The following MYH15 variants were observed in gnomAD, a reference collection of about 807,000 sequenced individuals.
MYH15 encodes the protein myosin heavy chain 15.
Under a neutral mutation model 240.5 loss-of-function variants are expected in MYH15, and 227 were observed. That is an observed-to-expected ratio of 0.94 (90% CI 0.85 to 1.05). The LOEUF (loss-of-function observed/expected upper bound fraction) is 1.05. MYH15 is among the 50% of genes least tolerant of loss of function. The pLI is 0.00. For synonymous variants in MYH15, 785 were observed against 796.7 expected (o/e 0.99, Z 0.25); for missense variants, 2,217 against 2,247.5 (o/e 0.99, Z 0.27).
In MYH15 at chr3:108,405,451, TC is replaced by T. The variant is rs2082539561; in HGVS notation, c.4622del (p.Gly1541GlufsTer35). The T allele has an allele frequency of 6.8e-7, 1 of 1,476,676 alleles. No homozygotes were observed. The highest frequency in any genetic ancestry group is 1.4e-5 in the African/African-American group (1 of 72,136). 91.5% of individuals were successfully genotyped at this position (1,476,676 alleles called of 1,614,324 possible). On this transcript the variant is annotated frameshift_variant and splice_region_variant, in exon 33 of 41. Transcript: ENST00000693548. LOFTEE classifies it high-confidence loss of function. The stretch of plus-strand genomic sequence containing the variant: ...TCTTGCTTTCATTACGTTCCAGGGC[TC>T]CCTGGAATACATAAATAAAAAGCAT... ...EVQVTLEETE[G>X]ALERNESKIL...
Position 108,476,411 on chromosome 3 carries a change from G to T in MYH15, c.1219C>A (p.Gln407Lys). The T allele has an allele frequency of 3.1e-6, 5 of 1,593,946 alleles. No homozygotes were observed. Among genetic ancestry groups the T allele is most frequent in the Non-Finnish European group, 4.3e-6 (5 of 1,162,000 alleles). The stretch of plus-strand genomic sequence containing the variant: ...TATCACCTTACCTGTTCTATAGTTT[G>T]ACCTCTGGTAACATATTCGTTACCA... ...KVGNEYVTRG[Q>K]TIEQVTCAVG... Residue 407 changes from glutamine to lysine, a missense_variant, in exon 12 of 41, where the codon CAA becomes AAA. Physicochemically the swap from Gln to Lys is moderately conservative, Grantham distance 53. Transcript: ENST00000693548.
chr3:108,474,345 C>T (rs538125511), intron 12 of MYH15, among the ~76,000 whole-genome samples: 1 of 151,706 alleles, frequency 6.6e-6, no homozygotes, highest in South Asian at 2.1e-4. Flanking sequence ...TTTCACTGGT[C>T]CTATTATAGT....
At chr3:108,533,420 T>C (rs986828966), upstream of MYH15, among the ~76,000 whole-genome samples, 4 of 152,162 alleles carry the variant, frequency 2.6e-5, no homozygotes, top group Non-Finnish European at 5.9e-5. Context: ...AATTAAATTA[T>C]TGAATTAAAT....
At position 108,387,529 on chromosome 3, in the gene MYH15, C is replaced by CA. The variant is rs563062336; in HGVS notation, c.5535+1440dup. On this transcript the variant is annotated intron_variant, in intron 38 of 40. Transcript: ENST00000693548. ...ATGCATTCCTTGGGACAATGAAAAC[C>CA]AAAAAAATATATAACTTTGGTTTTT... Among the ~76,000 whole-genome samples, 1,060 of 151,772 alleles carry CA rather than the reference C, an allele frequency of 7.0e-3. 10 individuals are homozygous for CA. The highest frequency in any genetic ancestry group is 0.012 in the South Asian group (57 of 4,796).
chr3:108,489,936 C>A (rs535328493), intron 9 of MYH15, among the ~76,000 whole-genome samples: 4 of 152,134 alleles, frequency 2.6e-5, no homozygotes, highest in African/African-American at 9.7e-5. Context: ...CCCCAAAGAC[C>A]GAAGAAGATA....
At position 108,477,566 on chromosome 3, in the gene MYH15, A is replaced by G. The variant is rs191669250; in HGVS notation, c.1115-1051T>C. On this transcript the variant is annotated intron_variant, in intron 11 of 40. Transcript: ENST00000693548. Reference sequence around the variant, plus strand: ...AGGACATGGAAAATGCCATCTTTATAATTTGTTTTCTCTTTCTATGTATGT... The same window carrying G: ...AGGACATGGAAAATGCCATCTTTATGATTTGTTTTCTCTTTCTATGTATGT... 1.3e-4 allele frequency among the ~76,000 whole-genome samples: 20 copies of G among 152,308 alleles called. No homozygotes were observed. The East Asian group carries it at 3.3e-3, about 25-fold the overall frequency.
chr3:108,426,816 G>T (rs1021624524), intron 27 of MYH15, among the ~76,000 whole-genome samples: 2 of 152,218 alleles, frequency 1.3e-5, no homozygotes, highest in Admixed American at 6.5e-5. Context: ...TCCTGCCAGG[G>T]GGGGGCAGTG....
At chr3:108,430,554 A>G (rs957955920) in intron 26 of MYH15, among the ~76,000 whole-genome samples, 2 of 152,238 alleles carry the variant, frequency 1.3e-5, no homozygotes, top group African/African-American at 4.8e-5. Context: ...AGAAGGATTC[A>G]TGAGTGAAAA....
chr3:108,415,050 A>C (rs1377691384), intron 29 of MYH15, among the ~76,000 whole-genome samples: 2 of 152,148 alleles, frequency 1.3e-5, no homozygotes. Flanking sequence ...CTGAATTCTT[A>C]ATTTTATTTA....
In MYH15 at chr3:108,422,463, G is replaced by A. The variant is rs139507202; in HGVS notation, c.3703-1249C>T. On this transcript the variant is annotated intron_variant, in intron 27 of 40. Transcript: ENST00000693548. ...GAACTCCTGACCTTGTGATCCACCC[G>A]CCTCAGCTTCCCAAAGTGCTGGGAT... Among the ~76,000 whole-genome samples, 281 of 152,194 alleles carry A rather than the reference G, an allele frequency of 1.8e-3. 1 individual carries two copies. Among genetic ancestry groups the A allele is most frequent in the African/African-American group, 6.1e-3 (254 of 41,514 alleles).
In MYH15 at chr3:108,410,865, A is replaced by C. The variant is rs985210195; in HGVS notation, c.4213T>G (p.Ser1405Ala). ...AMGVANARNA[S>A]LERARHQLQL... Reference sequence around the variant, plus strand: ...AGCTGGTGCCTGGCTCTCTCCAAGGAGGCATTTCTGGCATTGGCCACCCCC... The same window carrying C: ...AGCTGGTGCCTGGCTCTCTCCAAGGCGGCATTTCTGGCATTGGCCACCCCC... The change falls in exon 31 of 41, where the codon TCC becomes GCC. Residue 1405 changes from serine to alanine, a missense_variant. By Grantham distance (99) the Ser-to-Ala change is moderately conservative. Transcript: ENST00000693548. The C allele has an allele frequency of 1.2e-6, 2 of 1,612,420 alleles. No homozygotes were observed. Among genetic ancestry groups the C allele is most frequent in the African/African-American group, 2.7e-5 (2 of 74,890 alleles).
At chr3:108,496,717 A>T (rs1319540812) in intron 6 of MYH15, among the ~76,000 whole-genome samples, 1 of 151,278 alleles carries the variant, frequency 6.6e-6, no homozygotes, top group Non-Finnish European at 1.5e-5. Flanking sequence ...ATGAGCAAGG[A>T]TTTCCATAGG....
At chr3:108,529,002 G>T (rs1318723340) in intron 1 of MYH15, among the ~76,000 whole-genome samples, 2 of 152,204 alleles carry the variant, frequency 1.3e-5, no homozygotes, top group East Asian at 3.9e-4. Flanking sequence ...GAGAAGTTGT[G>T]TGTTGGGGAC....
Position 108,410,643 on chromosome 3 carries a change from T to G in MYH15, c.4435A>C (p.Thr1479Pro). 6.2e-7 allele frequency: 1 copy of G among 1,613,956 alleles called. No homozygotes were observed. The highest frequency in any genetic ancestry group is 1.3e-5 in the African/African-American group (1 of 75,050). ...LSTELLKLKN[T>P]YEESIVGQET... Reference sequence around the variant, plus strand: ...TGGCCCACGATGCTCTCCTCATAGGTGTTCTTGAGCTTGAGGAGCTCTGTA... The same window carrying G: ...TGGCCCACGATGCTCTCCTCATAGGGGTTCTTGAGCTTGAGGAGCTCTGTA... Residue 1479 changes from threonine to proline, a missense_variant, in exon 31 of 41, where the codon ACC (threonine) becomes CCC (proline). Thr to Pro is a conservative substitution (Grantham distance 38). Transcript: ENST00000693548.
At chr3:108,498,006 G>A (rs1334706716) in intron 6 of MYH15, 46 bp downstream of exon 6, 2 of 1,543,758 alleles carry the variant, frequency 1.3e-6, no homozygotes, top group African/African-American at 2.7e-5. Flanking sequence ...ATGATCCAGT[G>A]GATAGGGCCA....
At chr3:108,478,819 C>T (rs975017777) in intron 11 of MYH15, among the ~76,000 whole-genome samples, 2 of 152,130 alleles carry the variant, frequency 1.3e-5, no homozygotes, top group Non-Finnish European at 2.9e-5. Context: ...AAGCACAGTC[C>T]TTTGAGTCTA....
chr3:108,447,233 C>T (rs755827435), intron 21 of MYH15, among the ~76,000 whole-genome samples: 3 of 151,996 alleles, frequency 2.0e-5, no homozygotes, highest in African/African-American at 4.8e-5. Context: ...TGTAGGACAT[C>T]GGCAAGCTTA....
intron 29 of MYH15, 115 bp from the exon 30 acceptor site, chr3:108,414,543 G>C (rs1226581401): frequency 3.4e-6 from 3 of 872,972 alleles, no homozygotes; most frequent in African/African-American, 1.7e-5. Flanking sequence ...ACAAATTCAA[G>C]CCGAACCTGA....
At chr3:108,502,003 T>C (rs1218684044) in intron 2 of MYH15, 148 bp from the exon 3 acceptor site, 1 of 842,156 alleles carries the variant, frequency 1.2e-6, no homozygotes. Flanking sequence ...CCAGCCTTCA[T>C]GGAAAAAAAC....
Sources: allele counts gnomAD v4.1 joint callset (sites outside exome capture counted in the v4.1 genomes callset), GRCh38; gene constraint gnomAD v4.1.1; transcripts MANE v1.5; gene names NCBI Gene and HGNC (gene_info 2026-07-23, HGNC 2026-07-21).